The following CSMD1 variants were observed in gnomAD, a reference collection of about 807,000 sequenced individuals.
CSMD1 encodes the protein CUB and sushi domain-containing protein 1.
CSMD1 carries 213 observed loss-of-function variants against 417.5 expected under a neutral mutation model. That is an observed-to-expected ratio of 0.51 (90% CI 0.46 to 0.57). CSMD1 has a LOEUF of 0.57. Among genes scored for constraint, CSMD1 ranks in the 20% least tolerant of loss-of-function variants. The pLI is 0.00. For missense variants in CSMD1, 6,923 were observed against 4,529.7 expected, an observed-to-expected ratio of 1.53 and a Z score of -15.17; for synonymous variants, 2,862 against 1,736.8, an observed-to-expected ratio of 1.65 and a Z score of -16.11.
chr8:4,787,431 C>A, intron 1 of CSMD1: 1 of 755,816 alleles, frequency 1.3e-6, no homozygotes. Flanking sequence ...GACAAGATTA[C>A]AGCAGGAAAT....
intron 46 of CSMD1, among the ~76,000 whole-genome samples, chr8:3,097,622 G>T (rs1027806267): frequency 1.3e-5 from 2 of 152,166 alleles, no homozygotes; most frequent in African/African-American, 4.8e-5. Context: ...GCCCGGGGAT[G>T]ATGACAGATT....
intron 5 of CSMD1, among the ~76,000 whole-genome samples, chr8:3,911,237 C>A (rs146068680): frequency 1.8e-3 from 279 of 152,234 alleles, no homozygotes; most frequent in Non-Finnish European, 3.4e-3. Context: ...ATTCCAAAAT[C>A]AAATCACATC....
At chr8:4,691,416 G>C (rs942990624) in intron 1 of CSMD1, among the ~76,000 whole-genome samples, 1 of 152,120 alleles carries the variant, frequency 6.6e-6, no homozygotes, top group Non-Finnish European at 1.5e-5. Flanking sequence ...GCAACATATT[G>C]AGTAATTATA....
chr8:4,891,154 T>C (rs1465028702), intron 1 of CSMD1, among the ~76,000 whole-genome samples: 1 of 152,150 alleles, frequency 6.6e-6, no homozygotes, highest in Non-Finnish European at 1.5e-5. Flanking sequence ...CTCTGTGTTT[T>C]GAGTCAATGA....
At chr8:4,814,856 T>A (rs1460548742) in intron 1 of CSMD1, among the ~76,000 whole-genome samples, 1 of 152,214 alleles carries the variant, frequency 6.6e-6, no homozygotes, top group Non-Finnish European at 1.5e-5. Flanking sequence ...TAATCATTTG[T>A]TAGATACTAT....
chr8:3,507,697 C>G (rs1167155366), intron 10 of CSMD1, among the ~76,000 whole-genome samples: 1 of 152,188 alleles, frequency 6.6e-6, no homozygotes, highest in Non-Finnish European at 1.5e-5. Flanking sequence ...GATTGCCATT[C>G]TAACTGGTAT....
intron 3 of CSMD1, among the ~76,000 whole-genome samples, chr8:4,068,992 G>C (rs193146990): frequency 6.6e-6 from 1 of 152,078 alleles, no homozygotes; most frequent in Non-Finnish European, 1.5e-5. Flanking sequence ...TGAATGGCTT[G>C]GAAAGATAAC....
At chr8:4,696,073 T>C (rs960749500) in intron 1 of CSMD1, among the ~76,000 whole-genome samples, 3 of 152,212 alleles carry the variant, frequency 2.0e-5, no homozygotes, top group Admixed American at 6.5e-5. Flanking sequence ...ATTTTAACGG[T>C]ATCTGGTTCA....
intron 5 of CSMD1, among the ~76,000 whole-genome samples, 184 bp from the exon 6 acceptor site, chr8:3,754,226 A>G (rs1210536064): frequency 2.0e-5 from 3 of 152,154 alleles, no homozygotes; most frequent in Admixed American, 1.3e-4. Flanking sequence ...GCCCAAACAT[A>G]AATGCTAAAT....
At chr8:3,610,399 G>C (rs1255193962) in intron 8 of CSMD1, among the ~76,000 whole-genome samples, 2 of 152,032 alleles carry the variant, frequency 1.3e-5, no homozygotes, top group African/African-American at 2.4e-5. Context: ...AATTGAGTCA[G>C]TGGCTCATGC....
At chr8:3,044,884 TATC>T (rs1450019146) in intron 50 of CSMD1, among the ~76,000 whole-genome samples, 5 of 152,222 alleles carry the variant, frequency 3.3e-5, no homozygotes, top group African/African-American at 1.2e-4. Context: ...CATACCATCA[TATC>T]ATACAAAGGA....
chr8:4,948,400 C>G (rs149346162), intron 1 of CSMD1, among the ~76,000 whole-genome samples: 2 of 151,744 alleles, frequency 1.3e-5, no homozygotes, highest in Admixed American at 1.3e-4. Flanking sequence ...AGTTACTTGC[C>G]AGTCATTCAT....
At chr8:4,983,976 G>C (rs1195676826) in intron 1 of CSMD1, among the ~76,000 whole-genome samples, 2 of 152,140 alleles carry the variant, frequency 1.3e-5, no homozygotes. Context: ...GGTGTACCTG[G>C]CCTGGCTGAA....
intron 1 of CSMD1, among the ~76,000 whole-genome samples, chr8:4,723,154 G>A (rs1158014630): frequency 6.6e-6 from 1 of 152,122 alleles, no homozygotes; most frequent in Non-Finnish European, 1.5e-5. Flanking sequence ...TGCATTAGTG[G>A]AAATGGATTC....
intron 1 of CSMD1, among the ~76,000 whole-genome samples, chr8:4,815,221 C>G (rs183268618): frequency 1.8e-4 from 27 of 151,536 alleles, no homozygotes; most frequent in African/African-American, 6.5e-4. Flanking sequence ...GTGGTTTCAT[C>G]AAATGATTAT....
At chr8:3,467,501 A>G (rs79863010) in intron 12 of CSMD1, among the ~76,000 whole-genome samples, 1,918 of 152,320 alleles carry the variant, frequency 0.013, 41 homozygotes, top group African/African-American at 0.044. Context: ...TTGCCTCTGC[A>G]TTCTAGTTTT....
Position 4,237,846 on chromosome 8 carries a change from T to C in CSMD1, c.415+182107A>G, listed in dbSNP as rs191230011. Among the ~76,000 whole-genome samples the C allele has an allele frequency of 5.9e-5, 9 of 152,286 alleles. No individual in the cohort carries two copies. The East Asian group carries it at 1.7e-3, about 29-fold the overall frequency. ...ATTTTTAAAAAGGGAAGCTTTATAT[T>C]GTATTATTTTTTTCTGGACAATGCC... On this transcript the variant is annotated intron_variant, in intron 3 of 69. Coordinates refer to ENST00000635120, the MANE Select transcript of CSMD1 (RefSeq NM_033225.6).
intron 25 of CSMD1, among the ~76,000 whole-genome samples, chr8:3,295,101 T>C (rs1173486658): frequency 1.3e-5 from 2 of 149,112 alleles, no homozygotes; most frequent in East Asian, 2.0e-4. Context: ...CTTGTATCAC[T>C]TTCAATTTGC....
chr8:4,822,943 C>G (rs200617521), intron 1 of CSMD1, among the ~76,000 whole-genome samples: 1 of 152,040 alleles, frequency 6.6e-6, no homozygotes, highest in Admixed American at 6.6e-5. Flanking sequence ...ATAATTTATT[C>G]GGACTTTGCC....
Sources: gnomAD v4.1 joint callset for allele counts (sites outside exome capture counted in the v4.1 genomes callset) on GRCh38, gnomAD v4.1.1 for gene constraint, MANE v1.5 for transcripts, NCBI Gene and HGNC (gene_info 2026-07-23, HGNC 2026-07-21) for gene names.